TRIM37: variants seen among roughly 807,000 people sequenced by gnomAD.
TRIM37 encodes the protein E3 ubiquitin-protein ligase TRIM37.
TRIM37 carries 80 observed loss-of-function variants against 129.8 expected under a neutral mutation model. That is an observed-to-expected ratio of 0.62 (90% CI 0.51 to 0.74). The LOEUF is 0.74. TRIM37 is among the 30% of genes least tolerant of loss of function. TRIM37 has a pLI of 0.00. For synonymous variants in TRIM37, 389 were observed against 387.1 expected (o/e 1.00, Z -0.06); for missense variants, 1,054 against 1,176.5 (o/e 0.90, Z 1.52).
chr17:58,980,497 C>T (rs775793603), downstream of TRIM37: 1 of 1,614,164 alleles, frequency 6.2e-7, no homozygotes, highest in Non-Finnish European at 8.5e-7. The surrounding 1 kb of genome is among the most constrained non-coding windows in gnomAD (Gnocchi z 4.7). Flanking sequence ...TAGAAGCAAG[C>T]AAACCTCACA....
chr17:59,069,941 G>A (rs539944084), intron 9 of TRIM37, among the ~76,000 whole-genome samples: 1 of 152,302 alleles, frequency 6.6e-6, no homozygotes, highest in South Asian at 2.1e-4. Context: ...TGAATTTTCT[G>A]ACACCCTGAT....
chr17:59,060,978 AG>A (rs2041437432), intron 12 of TRIM37, 53 bp downstream of exon 12: 1 of 1,317,214 alleles, frequency 7.6e-7, no homozygotes, highest in Non-Finnish European at 1.1e-6. Flanking sequence ...AAAAATTGCT[AG>A]GGGGAAGGTA....
At chr17:59,101,055 A>C (rs1280834630) in intron 2 of TRIM37, among the ~76,000 whole-genome samples, 4 of 151,950 alleles carry the variant, frequency 2.6e-5, no homozygotes, top group Non-Finnish European at 5.9e-5. Flanking sequence ...AACAAACAAA[A>C]AAACTGTACA....
intron 10 of TRIM37, among the ~76,000 whole-genome samples, chr17:59,063,188 G>A (rs1459760713): frequency 6.6e-6 from 1 of 150,504 alleles, no homozygotes; most frequent in African/African-American, 2.4e-5. Context: ...TTTTGAGATA[G>A]AGTTTTTTCA....
At chr17:58,985,105 A>AAAG (rs1272395275) in intron 24 of TRIM37, 34 of 152,770 alleles carry the variant, frequency 2.2e-4, no homozygotes, top group Non-Finnish European at 2.8e-4. Flanking sequence ...TATTTTATTA[A>AAAG]AAGTGTTCAT....
chr17:58,970,368 C>T, the TRIM37 span, among the ~76,000 whole-genome samples: 1 of 152,100 alleles, frequency 6.6e-6, no homozygotes, highest in Non-Finnish European at 1.5e-5. Flanking sequence ...ATCTAATTAT[C>T]GTTCTGGGTA....
downstream of TRIM37, among the ~76,000 whole-genome samples, chr17:58,978,005 G>A (rs2031123645): frequency 6.6e-6 from 1 of 152,220 alleles, no homozygotes; most frequent in African/African-American, 2.4e-5. Flanking sequence ...GCCTCCCAAA[G>A]TGCTGGGATT....
chr17:59,106,656 A>C lies in TRIM37; in HGVS notation c.-195T>G. The C allele has an allele frequency of 1.5e-6, 1 of 656,000 alleles. No homozygotes were observed. Among genetic ancestry groups the C allele is most frequent in the Non-Finnish European group, 2.6e-6 (1 of 378,072 alleles). 40.6% of individuals were successfully genotyped at this position (656,000 alleles called of 1,614,324 possible). A position where few individuals can be genotyped will look rare whatever the true frequency, so the allele number is the denominator to read the frequency against. ...CGCCTACCCCCATTTCGCCATTTTTACCGGCGCGCCCGCCCCGAGGCGCAG... is the reference window on the plus strand; with the variant it reads ...CGCCTACCCCCATTTCGCCATTTTTCCCGGCGCGCCCGCCCCGAGGCGCAG... On this transcript the variant is annotated 5_prime_UTR_variant, in exon 1 of 24. Coordinates refer to ENST00000262294, the MANE Select transcript of TRIM37 (RefSeq NM_015294.6).
At chr17:58,992,322 AAT>A (rs35222079) in intron 24 of TRIM37, among the ~76,000 whole-genome samples, 81,846 of 137,548 alleles carry the variant, frequency 0.6, 24,433 homozygotes, top group Middle Eastern at 0.64. Context: ...TACATATGTA[AAT>A]ATATATATAT....
chr17:59,015,477 CAATA>C, intron 21 of TRIM37, 129 bp downstream of exon 21: 3 of 937,256 alleles, frequency 3.2e-6, no homozygotes, highest in Non-Finnish European at 5.0e-6. Flanking sequence ...AAATTTAGTG[CAATA>C]AATGTATTTT....
the TRIM37 span, among the ~76,000 whole-genome samples, chr17:58,967,500 A>T: frequency 1.3e-5 from 2 of 150,042 alleles, no homozygotes; most frequent in Non-Finnish European, 3.0e-5. Context: ...ATTTATATAT[A>T]TGTGTATATA....
rs1360724694 is a variant in TRIM37, at chr17:59,032,097, AAGAGGCGT to A, written c.1754-15_1754-8del. On this transcript the variant is annotated splice_region_variant and splice_polypyrimidine_tract_variant and intron_variant, in intron 17 of 23. Transcript: ENST00000262294. ...ACATAACCATGGCTACTACCTGCAAAAGAGGCGTAGAAAATGATATATATATGCACAAA... is the reference window on the plus strand; with the variant it reads ...ACATAACCATGGCTACTACCTGCAAAAGAAAATGATATATATATGCACAAA... 1 of 1,613,250 alleles carries A rather than the reference AAGAGGCGT, an allele frequency of 6.2e-7. No homozygotes were observed. Among genetic ancestry groups the A allele is most frequent in the African/African-American group, 1.3e-5 (1 of 75,022 alleles).
intron 9 of TRIM37, among the ~76,000 whole-genome samples, chr17:59,068,722 A>T (rs2042119364): frequency 6.6e-6 from 1 of 152,224 alleles, no homozygotes; most frequent in Admixed American, 6.5e-5. Context: ...AAAGAAAGGA[A>T]GACTTCTACT....
the TRIM37 span, chr17:58,969,441 T>C: frequency 1.8e-6 from 2 of 1,137,034 alleles, no homozygotes; most frequent in Non-Finnish European, 2.7e-6. Flanking sequence ...ACAAATGCAG[T>C]GGAGGAGAAA....
intron 2 of TRIM37, 41 bp from the exon 3 acceptor site, chr17:59,091,381 T>C (rs757464972): frequency 1.0e-5 from 11 of 1,101,896 alleles, no homozygotes; most frequent in South Asian, 3.1e-5. Flanking sequence ...GAAAACATCA[T>C]TACTATATAT....
intron 2 of TRIM37, among the ~76,000 whole-genome samples, chr17:59,096,161 T>C (rs971519973): frequency 1.3e-5 from 2 of 152,156 alleles, no homozygotes; most frequent in Admixed American, 6.5e-5. Flanking sequence ...ATCATAAAGA[T>C]TGTATATATT....
chr17:59,071,069 G>C (rs1004198358), intron 8 of TRIM37, 122 bp from the exon 9 acceptor site: 1 of 1,121,150 alleles, frequency 8.9e-7, no homozygotes, highest in Non-Finnish European at 1.3e-6. Context: ...ATAACTCAAA[G>C]TGAGCTTGAG....
intron 19 of TRIM37, among the ~76,000 whole-genome samples, chr17:59,025,551 T>A (rs2037156296): frequency 6.6e-6 from 1 of 152,076 alleles, no homozygotes; most frequent in Admixed American, 6.6e-5. Context: ...TTGGTATATG[T>A]GGGGGTTGGT....
chr17:59,011,043 G>A (rs559541055), intron 22 of TRIM37, among the ~76,000 whole-genome samples: 1 of 151,956 alleles, frequency 6.6e-6, no homozygotes, highest in African/African-American at 2.4e-5. Flanking sequence ...GTTGGCAAGC[G>A]CCTGTAATCC....
Sources: gnomAD v4.1 joint callset for allele counts (sites outside exome capture counted in the v4.1 genomes callset) on GRCh38, gnomAD v4.1.1 for gene constraint, Gnocchi (gnomAD v3.1) non-coding constraint, MANE v1.5 for transcripts, NCBI Gene and HGNC (gene_info 2026-07-23, HGNC 2026-07-21) for gene names.